Variants in DMD observed in about 807,000 individuals in gnomAD.
DMD encodes the protein dystrophin.
DMD carries 63 observed loss-of-function variants against 330.1 expected under a neutral mutation model. That is an observed-to-expected ratio of 0.19 (90% CI 0.16 to 0.24). The LOEUF is 0.24. DMD is among the 10% of genes least tolerant of loss of function. The probability of loss-of-function intolerance (pLI) is 1.00; values close to 1 mark genes in which losing one functional copy is unlikely to be tolerated. For synonymous variants in DMD, 1,223 were observed against 959.8 expected (o/e 1.27, Z -5.07); for missense variants, 3,344 against 2,684.1 (o/e 1.25, Z -5.43).
intron 55 of DMD, among the ~76,000 whole-genome samples, chrX:31,526,255 T>C (rs1054485735): frequency 8.9e-6 from 1 of 112,524 alleles, no homozygotes; most frequent in Non-Finnish European, 1.9e-5. Context: ...GAGGCAGTTT[T>C]ACTTTTCATA....
At position 31,253,554 on chromosome X, in the gene DMD, T is replaced by G. The variant is rs745467125; in HGVS notation, c.9286+7401A>C. On this transcript the variant is annotated intron_variant, in intron 63 of 78. Transcript: ENST00000357033. ...GGAGAGTGAACAAATAACTACAATA[T>G]CCCTTCCTCTTGGGCAAGCTGAGGA... Among the ~76,000 whole-genome samples, 21 of 111,875 alleles carry G rather than the reference T, an allele frequency of 1.9e-4. No homozygotes were observed. The South Asian group carries it at 4.9e-3, about 26-fold the overall frequency.
intron 48 of DMD, among the ~76,000 whole-genome samples, 189 bp downstream of exon 48, chrX:31,874,999 A>G (rs374784647): frequency 1.3e-4 from 14 of 111,273 alleles, no homozygotes; most frequent in African/African-American, 4.6e-4. Context: ...ATCTCTCTCT[A>G]TCCAACCTCC....
intron 9 of DMD, among the ~76,000 whole-genome samples, chrX:32,680,715 A>T (rs2062346498): frequency 1.8e-5 from 2 of 111,503 alleles, no homozygotes; most frequent in South Asian, 7.6e-4. Flanking sequence ...TAGAAATTTC[A>T]TTTTGAGCCT....
chrX:33,305,423 G>T (rs7050993), intron 1 of DMD, among the ~76,000 whole-genome samples: 16,254 of 71,429 alleles, frequency 0.23, 1,568 homozygotes, highest in South Asian at 0.26. Flanking sequence ...GTTGTGGGGT[G>T]GGGGGAGGGG....
chrX:32,807,122 T>TAAAAAAAAAA (rs999286386), intron 7 of DMD, among the ~76,000 whole-genome samples: 18 of 20,739 alleles, frequency 8.7e-4, no homozygotes, highest in African/African-American at 2.0e-3. Context: ...CGGAAACATT[T>TAAAAAAAAAA]AAAAAAAAAA....
chrX:32,858,089 T>A (rs955855755), intron 2 of DMD, among the ~76,000 whole-genome samples: 1 of 110,993 alleles, frequency 9.0e-6, no homozygotes, highest in African/African-American at 3.3e-5. Flanking sequence ...GTATCACAAT[T>A]GAAATCCAAT....
rs990258139 is a variant in DMD, at chrX:32,560,509, G to A, written c.1992+5193C>T. 7.2e-5 allele frequency among the ~76,000 whole-genome samples: 8 copies of A among 110,368 alleles called. No individual in the cohort carries two copies. In the East Asian group the frequency reaches 2.0e-3, roughly 27 times the overall value. The stretch of plus-strand genomic sequence containing the variant: ...AGGTTTGTTATGGAGGTAAATGTGT[G>A]CCACGGTGGTATGGTGCACCTACAG... On this transcript the variant is annotated intron_variant, in intron 16 of 78. Transcript: ENST00000357033.
intron 4 of DMD, among the ~76,000 whole-genome samples, chrX:32,842,790 C>T (rs1469187694): frequency 4.6e-5 from 5 of 108,149 alleles, no homozygotes; most frequent in African/African-American, 1.8e-4. Context: ...GTATTTCATG[C>T]TGTATATGTA....
intron 51 of DMD, among the ~76,000 whole-genome samples, chrX:31,753,231 A>G (rs910510868): frequency 8.9e-6 from 1 of 111,967 alleles, no homozygotes; most frequent in African/African-American, 3.2e-5. Flanking sequence ...ACTGATATAG[A>G]CAATTACTCT....
At chrX:32,014,175 T>G in intron 44 of DMD, among the ~76,000 whole-genome samples, 1 of 112,296 alleles carries the variant, frequency 8.9e-6, no homozygotes, top group Admixed American at 9.5e-5. Context: ...TGTTAGTGTA[T>G]GTAACATGAA....
In DMD at chrX:31,827,309, T is replaced by C. The variant is rs142415246; in HGVS notation, c.7201-7226A>G. The stretch of plus-strand genomic sequence containing the variant: ...AAAATGGGCTTTAAAGCAATAACCG[T>C]AAATAAAAGATAAAGAAAGACATTG... On this transcript the variant is annotated intron_variant, in intron 49 of 78. Coordinates refer to ENST00000357033, the MANE Select transcript of DMD (RefSeq NM_004006.3). 8.6e-3 allele frequency among the ~76,000 whole-genome samples: 955 copies of C among 111,598 alleles called. 9 individuals carry two copies. Among genetic ancestry groups the C allele is most frequent in the African/African-American group, 0.03 (923 of 30,762 alleles).
At chrX:31,187,827 A>T (rs1488104761) in intron 67 of DMD, among the ~76,000 whole-genome samples, 1 of 107,245 alleles carries the variant, frequency 9.3e-6, no homozygotes, top group Non-Finnish European at 1.9e-5. Flanking sequence ...ATTTAATAAC[A>T]GTTTTCAATT....
Position 33,081,662 on chromosome X carries a change from G to T in DMD, c.32-61462C>A, listed in dbSNP as rs1037727104. 5.3e-5 allele frequency among the ~76,000 whole-genome samples: 6 copies of T among 112,176 alleles called. No homozygotes were observed. The Admixed American group carries it at 5.7e-4, about 11-fold the overall frequency. ...TGTAATCAGCCCGTCCTTCATGGGA[G>T]TCTGATCTCCCAGTGGAGGGTGAGG... On this transcript the variant is annotated intron_variant, in intron 1 of 78. Transcript: ENST00000357033.
chrX:33,284,295 ATTTGG>A (rs1203920208), intron 1 of DMD, among the ~76,000 whole-genome samples: 1 of 110,967 alleles, frequency 9.0e-6, no homozygotes. Flanking sequence ...AATCAAGCAC[ATTTGG>A]TTTGAATATA....
intron 16 of DMD, among the ~76,000 whole-genome samples, chrX:32,564,420 A>G (rs1424750322): frequency 8.9e-6 from 1 of 112,029 alleles, no homozygotes; most frequent in Non-Finnish European, 1.9e-5. Context: ...GTTGGGTTAA[A>G]AAGTATCAAA....
intron 5 of DMD, among the ~76,000 whole-genome samples, chrX:32,821,545 G>A (rs1314274107): frequency 1.8e-5 from 2 of 108,947 alleles, no homozygotes; most frequent in Non-Finnish European, 3.8e-5. Context: ...CCGAGATCGC[G>A]CCACTGCACT....
intron 1 of DMD, among the ~76,000 whole-genome samples, chrX:33,082,401 A>G (rs1469354097): frequency 1.8e-5 from 2 of 112,450 alleles, no homozygotes; most frequent in Non-Finnish European, 3.8e-5. Flanking sequence ...TAGAATCTCC[A>G]CAAGGTAGTC....
At chrX:33,222,293 T>C (rs1327077884) in intron 1 of DMD, among the ~76,000 whole-genome samples, 1 of 111,691 alleles carries the variant, frequency 9.0e-6, no homozygotes, top group Admixed American at 9.5e-5. Flanking sequence ...AGAGGAAAAA[T>C]CACACGATGT....
At chrX:33,061,198 A>T (rs777746085) in intron 1 of DMD, among the ~76,000 whole-genome samples, 1 of 112,486 alleles carries the variant, frequency 8.9e-6, no homozygotes, top group African/African-American at 3.2e-5. Context: ...TTGTTACGTT[A>T]TTCTCTTTTA....
Sources: gnomAD v4.1 joint callset for allele counts (sites outside exome capture counted in the v4.1 genomes callset) on GRCh38, gnomAD v4.1.1 for gene constraint, MANE v1.5 for transcripts, NCBI Gene and HGNC (gene_info 2026-07-23, HGNC 2026-07-21) for gene names.